Variants in OGDH observed in about 807,000 individuals in gnomAD.
The protein encoded by OGDH is oxoglutarate dehydrogenase, also known as 2-oxoglutarate dehydrogenase complex component E1.
In OGDH, 38 loss-of-function variants were observed where a neutral mutation model predicts 116.6. The observed-to-expected ratio is 0.33, with a 90% CI of 0.25 to 0.43. The LOEUF is 0.43. Ranked by LOEUF, OGDH falls within the 20% of genes least tolerant of loss-of-function variation. The pLI is 1.00. For missense variants in OGDH, 825 were observed against 1,357.2 expected, an observed-to-expected ratio of 0.61 and a Z score of 6.16; for synonymous variants, 488 against 533.3, an observed-to-expected ratio of 0.92 and a Z score of 1.17.
At chr7:44,654,312 TAAAA>T (rs936781283) in intron 4 of OGDH, among the ~76,000 whole-genome samples, 1 of 152,216 alleles carries the variant, frequency 6.6e-6, no homozygotes, top group Non-Finnish European at 1.5e-5. Flanking sequence ...GTTAAATAGT[TAAAA>T]AGTCAATTTA....
chr7:44,622,508 ATC>A (rs1236033442), intron 1 of OGDH, among the ~76,000 whole-genome samples: 2 of 151,748 alleles, frequency 1.3e-5, no homozygotes, highest in African/African-American at 4.8e-5. Context: ...TTGCTGACCT[ATC>A]TCTTCTCAGT....
intron 2 of OGDH, among the ~76,000 whole-genome samples, chr7:44,636,612 A>G (rs1157875407): frequency 6.6e-6 from 1 of 152,210 alleles, no homozygotes. Context: ...ACATGCAGAG[A>G]GCACTGAGGA....
intron 6 of OGDH, 79 bp from the exon 7 acceptor site, chr7:44,674,332 T>C: frequency 6.4e-7 from 1 of 1,573,826 alleles, no homozygotes; most frequent in South Asian, 1.1e-5. Context: ...GGTGTGAGCC[T>C]CCATGCCTGG....
At chr7:44,630,801 G>C (rs753647197) in intron 2 of OGDH, among the ~76,000 whole-genome samples, 7 of 152,196 alleles carry the variant, frequency 4.6e-5, no homozygotes, top group Non-Finnish European at 1.0e-4. Flanking sequence ...GACCAGTTTC[G>C]TGGAAGACAA....
chr7:44,671,154 A>C (rs2116109569), intron 5 of OGDH, among the ~76,000 whole-genome samples: 1 of 152,274 alleles, frequency 6.6e-6, no homozygotes, highest in Admixed American at 6.5e-5. Context: ...CTCACAATCT[A>C]ATTGGGCATC....
intron 4 of OGDH, 122 bp from the exon 5 acceptor site, chr7:44,666,614 G>T (rs1378507324): frequency 2.3e-6 from 1 of 436,528 alleles, no homozygotes; most frequent in South Asian, 7.1e-5. Flanking sequence ...CTTTTTATAT[G>T]ATTTTTTTCT....
chr7:44,652,113 G>GT (rs59287756), intron 4 of OGDH, among the ~76,000 whole-genome samples: 16,945 of 145,608 alleles, frequency 0.12, 1,971 homozygotes, highest in East Asian at 0.36. Context: ...ACAGAGATAA[G>GT]TTTTTTTTTT....
At chr7:44,641,222 T>C (rs1209754863) in intron 2 of OGDH, among the ~76,000 whole-genome samples, 1 of 108,468 alleles carries the variant, frequency 9.2e-6, no homozygotes, top group Non-Finnish European at 1.6e-5. Flanking sequence ...TTTTTTTTTT[T>C]TTCTTTTTTT....
At chr7:44,632,613 G>T (rs73109424) in intron 2 of OGDH, among the ~76,000 whole-genome samples, 79,488 of 151,520 alleles carry the variant, frequency 0.52, 20,984 homozygotes, top group East Asian at 0.72. Context: ...GATGTTTTTT[G>T]TTGTTGTTGT....
rs1032350481 is a variant in OGDH at position 44,658,433 on chromosome 7, C to T, written c.518-8303C>T. On this transcript the variant is annotated intron_variant, in intron 4 of 22. Transcript: ENST00000222673. ...GTGTTTATGTTGCATTCTGAGATCC[C>T]GATGAACTCATTCTAGGGCTTTTTT... is the stretch of plus-strand genomic sequence containing the variant. 9.2e-4 allele frequency among the ~76,000 whole-genome samples: 136 copies of T among 147,564 alleles called. 1 individual carries two copies. Among genetic ancestry groups the T allele is most frequent in the African/African-American group, 3.3e-3 (132 of 40,458 alleles).
At chr7:44,705,589 T>C (rs1401638302) in intron 20 of OGDH, among the ~76,000 whole-genome samples, 2 of 152,140 alleles carry the variant, frequency 1.3e-5, no homozygotes, top group African/African-American at 4.8e-5. Context: ...CACTCTGTCA[T>C]CCAGGCTGAT....
At position 44,697,189 on chromosome 7, in the gene OGDH, C is replaced by T. The variant is rs1207071515; in HGVS notation, c.2051+125C>T. On this transcript the variant is annotated intron_variant, in intron 15 of 22. Transcript: ENST00000222673. The surrounding 1 kb of genome is among the most constrained non-coding windows in gnomAD (Gnocchi z 6.0). Reference sequence around the variant, plus strand: ...AGTCACATTGCTCTCAGGCTGAAAACCTCTGTCCCTCATTTGCTATGGGTG... The same window carrying T: ...AGTCACATTGCTCTCAGGCTGAAAATCTCTGTCCCTCATTTGCTATGGGTG... 23 of 1,468,132 alleles carry T rather than the reference C, an allele frequency of 1.6e-5. No individual in the cohort carries two copies. The highest frequency in any genetic ancestry group is 1.9e-5 in the Non-Finnish European group (20 of 1,080,590). The allele number at this position is 1,468,132 out of a possible 1,614,324, so 90.9% of individuals were successfully genotyped here.
chr7:44,688,065 G>A (rs1030513730), intron 10 of OGDH, among the ~76,000 whole-genome samples: 6 of 152,002 alleles, frequency 3.9e-5, no homozygotes, highest in Non-Finnish European at 8.8e-5. Flanking sequence ...CTACTTTTGG[G>A]CTATTATAAA....
intron 20 of OGDH, among the ~76,000 whole-genome samples, chr7:44,706,131 C>T (rs144865104): frequency 2.6e-5 from 4 of 152,062 alleles, no homozygotes; most frequent in Admixed American, 1.3e-4. Context: ...TTTGTAGAGA[C>T]GGAGTATCAC....
chr7:44,623,710 A>G (rs1306525443), intron 1 of OGDH, among the ~76,000 whole-genome samples: 2 of 152,112 alleles, frequency 1.3e-5, no homozygotes, highest in Non-Finnish European at 2.9e-5. Context: ...CAGTGGTGCA[A>G]TCTCGGCTCA....
At chr7:44,670,959 C>T (rs917540410) in intron 5 of OGDH, among the ~76,000 whole-genome samples, 2 of 142,364 alleles carry the variant, frequency 1.4e-5, no homozygotes, top group Non-Finnish European at 1.5e-5. Flanking sequence ...TGCAATGAGC[C>T]GAGATCGTGC....
In OGDH at chr7:44,645,629, C is replaced by T. The variant is rs189387923; in HGVS notation, c.414+111C>T. 91 of 975,102 alleles carry T rather than the reference C, an allele frequency of 9.3e-5. No individual in the cohort carries two copies. In the East Asian group the frequency reaches 2.2e-3, roughly 24 times the overall value. The allele number at this position is 975,102 out of a possible 1,614,324, so 60.4% of individuals were successfully genotyped here. Reference sequence around the variant, plus strand: ...GTATGTTGTCACTTTACTTATACCTCCTCAAATACTAGGTGCTTTCTCCCT... The same window carrying T: ...GTATGTTGTCACTTTACTTATACCTTCTCAAATACTAGGTGCTTTCTCCCT... On this transcript the variant is annotated intron_variant, in intron 3 of 22. Coordinates refer to ENST00000222673, the MANE Select transcript of OGDH (RefSeq NM_002541.4).
intron 18 of OGDH, 152 bp downstream of exon 18, chr7:44,698,415 GC>G: frequency 1.3e-6 from 1 of 767,282 alleles, no homozygotes; most frequent in Non-Finnish European, 2.1e-6. Flanking sequence ...GACAGGTGTG[GC>G]CCCATGCTTC....
Position 44,640,082 on chromosome 7 carries a change from G to A in OGDH, c.223-5245G>A, listed in dbSNP as rs117389042. 4.5e-3 allele frequency among the ~76,000 whole-genome samples: 689 copies of A among 152,304 alleles called. 16 individuals carry two copies. In the East Asian group the frequency reaches 0.061, roughly 13 times the overall value. On this transcript the variant is annotated intron_variant, in intron 2 of 22. Coordinates refer to ENST00000222673, the MANE Select transcript of OGDH (RefSeq NM_002541.4). ...GGCTGGAAGGAGTCCTGCAGCCTTT[G>A]TGGCTCAGGACCAGAGAGCTGACCT...
Sources: gnomAD v4.1 joint callset for allele counts (sites outside exome capture counted in the v4.1 genomes callset) on GRCh38, gnomAD v4.1.1 for gene constraint, Gnocchi (gnomAD v3.1) non-coding constraint, MANE v1.5 for transcripts, NCBI Gene and HGNC (gene_info 2026-07-23, HGNC 2026-07-21) for gene names.